The following KCNK2 variants were observed in gnomAD, a reference collection of about 807,000 sequenced individuals.
The protein encoded by KCNK2 is potassium two pore domain channel subfamily K member 2.
KCNK2 carries 21 observed loss-of-function variants against 40.5 expected under a neutral mutation model. That is an observed-to-expected ratio of 0.52 (90% CI 0.37 to 0.75). KCNK2 has a LOEUF of 0.75. KCNK2 is among the 30% of genes least tolerant of loss of function. The probability of loss-of-function intolerance (pLI) is 0.00; values close to 1 mark genes in which losing one functional copy is unlikely to be tolerated. For synonymous variants in KCNK2, 191 were observed against 202.2 expected (o/e 0.94, Z 0.47); for missense variants, 399 against 531.6 (o/e 0.75, Z 2.45).
chr1:215,082,934 G>T lies in KCNK2; in HGVS notation c.-452G>T, dbSNP rs1032428108. ...GACGCCGGGGCGCACGGCAGCTGGG[G>T]CTGCACCCACCGCCCCCGCGCCGCG... is the stretch of plus-strand genomic sequence containing the variant. On this transcript the variant is annotated 5_prime_UTR_variant, in exon 1 of 7. Coordinates refer to ENST00000444842, the MANE Select transcript of KCNK2 (RefSeq NM_001017425.3). Among the ~76,000 whole-genome samples, 1 of 150,190 alleles carries T rather than the reference G, an allele frequency of 6.7e-6. No individual in the cohort carries two copies. The highest frequency in any genetic ancestry group is 2.4e-5 in the African/African-American group (1 of 41,198).
At chr1:215,066,324 A>C (rs1440347166) in intron 1 of KCNK2, among the ~76,000 whole-genome samples, 1 of 152,180 alleles carries the variant, frequency 6.6e-6, no homozygotes, top group African/African-American at 2.4e-5. Flanking sequence ...TAAGTGCACA[A>C]AATAATTGAT....
intron 1 of KCNK2, among the ~76,000 whole-genome samples, chr1:215,058,764 G>A (rs1010741898): frequency 6.6e-6 from 1 of 152,098 alleles, no homozygotes; most frequent in Admixed American, 6.5e-5. Context: ...CAGTGAAGAT[G>A]TTTTTCTCTA....
At chr1:215,083,799 C>G (rs1052786749) in intron 1 of KCNK2, 5 of 333,972 alleles carry the variant, frequency 1.5e-5, no homozygotes, top group African/African-American at 2.1e-5. Flanking sequence ...GGCAGTGGTG[C>G]TGAAAAAAGC....
chr1:215,128,428 A>G (rs566496113), intron 3 of KCNK2, among the ~76,000 whole-genome samples: 12 of 152,346 alleles, frequency 7.9e-5, no homozygotes, highest in African/African-American at 2.9e-4. Flanking sequence ...TGCCAGGAGT[A>G]CAAAGGAAGT....
intron 3 of KCNK2, among the ~76,000 whole-genome samples, chr1:215,166,426 A>C (rs1383923415): frequency 6.6e-6 from 1 of 152,196 alleles, no homozygotes; most frequent in Non-Finnish European, 1.5e-5. Flanking sequence ...CCTATAAATT[A>C]GTTCAAGTTC....
chr1:215,187,057 C>A (rs1190857681), intron 5 of KCNK2, among the ~76,000 whole-genome samples: 3 of 152,160 alleles, frequency 2.0e-5, no homozygotes, highest in Non-Finnish European at 4.4e-5. Flanking sequence ...GCAGCCTCGA[C>A]ATTCTGGGCT....
At chr1:215,221,997 A>C (rs1420586077) in intron 6 of KCNK2, among the ~76,000 whole-genome samples, 1 of 152,190 alleles carries the variant, frequency 6.6e-6, no homozygotes, top group African/African-American at 2.4e-5. Flanking sequence ...TCATGGTGGA[A>C]GGCAAAGTGG....
At chr1:215,153,453 A>G (rs1662772728) in intron 3 of KCNK2, among the ~76,000 whole-genome samples, 1 of 152,230 alleles carries the variant, frequency 6.6e-6, no homozygotes, top group Non-Finnish European at 1.5e-5. Flanking sequence ...GATCAAAAAG[A>G]GTCCTGGTAG....
intron 2 of KCNK2, among the ~76,000 whole-genome samples, chr1:215,121,328 C>G (rs1331634487): frequency 6.6e-6 from 1 of 152,154 alleles, no homozygotes; most frequent in African/African-American, 2.4e-5. Flanking sequence ...TGCTCTGTCA[C>G]CCAGGCTGGA....
intron 1 of KCNK2, among the ~76,000 whole-genome samples, chr1:215,015,338 T>C (rs1041937446): frequency 2.0e-5 from 3 of 152,136 alleles, no homozygotes; most frequent in African/African-American, 7.2e-5. Context: ...CTGGCTGTGG[T>C]TACCTCTCTA....
At chr1:215,043,567 C>G (rs193205595) in intron 1 of KCNK2, among the ~76,000 whole-genome samples, 69 of 152,210 alleles carry the variant, frequency 4.5e-4, no homozygotes, top group African/African-American at 1.6e-3. Flanking sequence ...TACAACTGCA[C>G]TTATATGAGA....
chr1:215,113,927 A>C (rs1009333733), intron 2 of KCNK2, among the ~76,000 whole-genome samples: 11 of 152,158 alleles, frequency 7.2e-5, no homozygotes, highest in South Asian at 6.2e-4. Flanking sequence ...AAGTGATTAA[A>C]AATGAAAGTG....
chr1:215,050,049 G>A (rs1453644013), intron 1 of KCNK2, among the ~76,000 whole-genome samples: 2 of 152,146 alleles, frequency 1.3e-5, no homozygotes, highest in Non-Finnish European at 2.9e-5. Flanking sequence ...AAACCTTGGT[G>A]AGATTTTGAT....
intron 3 of KCNK2, among the ~76,000 whole-genome samples, chr1:215,153,229 G>C (rs952402155): frequency 1.3e-5 from 2 of 152,142 alleles, no homozygotes; most frequent in Non-Finnish European, 2.9e-5. Flanking sequence ...AGTATCCCAA[G>C]TAAACATAAA....
At chr1:215,120,990 A>G (rs908017604) in intron 2 of KCNK2, among the ~76,000 whole-genome samples, 14 of 152,178 alleles carry the variant, frequency 9.2e-5, no homozygotes, top group African/African-American at 3.1e-4. Context: ...TTAGTGATTA[A>G]ACACTTAAAC....
At chr1:215,122,076 T>A (rs1303738980) in intron 2 of KCNK2, among the ~76,000 whole-genome samples, 59 of 152,264 alleles carry the variant, frequency 3.9e-4, no homozygotes, top group Non-Finnish European at 2.9e-5. Context: ...TAACCAATTA[T>A]AATTCAAAGT....
intron 3 of KCNK2, among the ~76,000 whole-genome samples, chr1:215,166,203 C>T (rs747556489): frequency 7.2e-5 from 11 of 151,888 alleles, no homozygotes; most frequent in African/African-American, 7.3e-5. Context: ...ATAGTGTGCT[C>T]GAGGGCAGGG....
chr1:215,180,185 CT>C (rs1664166983), intron 5 of KCNK2, among the ~76,000 whole-genome samples: 1 of 152,064 alleles, frequency 6.6e-6, no homozygotes, highest in Non-Finnish European at 1.5e-5. Flanking sequence ...GACCTCTACT[CT>C]TTTTCATGTT....
At chr1:215,138,353 A>T (rs183349349) in intron 3 of KCNK2, among the ~76,000 whole-genome samples, 1 of 152,342 alleles carries the variant, frequency 6.6e-6, no homozygotes, top group East Asian at 1.9e-4. Flanking sequence ...TCAAGCCATG[A>T]CATTCTGGTT....
Sources: gnomAD v4.1 joint callset for allele counts (sites outside exome capture counted in the v4.1 genomes callset) on GRCh38, gnomAD v4.1.1 for gene constraint, MANE v1.5 for transcripts, NCBI Gene and HGNC (gene_info 2026-07-23, HGNC 2026-07-21) for gene names.